The following CDH23 variants were observed in gnomAD, a reference collection of about 807,000 sequenced individuals.
CDH23 encodes the protein cadherin related 23.
In CDH23, 189 loss-of-function variants were observed where a neutral mutation model predicts 317.1. That is an observed-to-expected ratio of 0.60 (90% CI 0.53 to 0.67). CDH23 has a LOEUF of 0.67. CDH23 is among the 30% of genes least tolerant of loss of function. The pLI is 0.00. For synonymous variants in CDH23, 1,839 were observed against 1,876.8 expected (o/e 0.98, Z 0.52); for missense variants, 4,401 against 4,592.4 (o/e 0.96, Z 1.20).
chr10:71,552,747 GA>G (rs937591825), intron 6 of CDH23, among the ~76,000 whole-genome samples: 1 of 152,116 alleles, frequency 6.6e-6, no homozygotes, highest in African/African-American at 2.4e-5. Context: ...AAAAAGCTTT[GA>G]TTCTTGTCCA....
At chr10:71,660,288 G>C (rs1319620807) in intron 14 of CDH23, among the ~76,000 whole-genome samples, 1 of 152,098 alleles carries the variant, frequency 6.6e-6, no homozygotes, top group Non-Finnish European at 1.5e-5. Flanking sequence ...TAGGTTACTT[G>C]TATCAACAAT....
intron 9 of CDH23, among the ~76,000 whole-genome samples, chr10:71,593,074 T>C (rs1589244271): frequency 6.6e-6 from 1 of 152,074 alleles, no homozygotes; most frequent in African/African-American, 2.4e-5. Context: ...CAGGAGAGGG[T>C]GGTGGGGCCA....
intron 41 of CDH23, among the ~76,000 whole-genome samples, chr10:71,782,157 G>C (rs889891109): frequency 4.6e-5 from 7 of 152,220 alleles, no homozygotes; most frequent in African/African-American, 1.7e-4. Flanking sequence ...CTTAGGAGGA[G>C]CTGTGTGCTC....
In CDH23 at chr10:71,712,773, G is replaced by A; in HGVS notation, c.3329G>A (p.Ser1110Asn). 1 of 1,613,160 alleles carries A rather than the reference G, an allele frequency of 6.2e-7. No homozygotes were observed. Among genetic ancestry groups the A allele is most frequent in the East Asian group, 2.2e-5 (1 of 44,862 alleles). Reference protein sequence around the residue: ...PIFLQSSYEASVPEDIPEGHS... With the variant: ...PIFLQSSYEANVPEDIPEGHS... ...TTTCTGCAGAGCAGCTATGAGGCCA[G>A]CGTCCCTGAGGACATCCCTGAAGGC... The change falls in exon 28 of 70, where the codon AGC becomes AAC. Residue 1110 changes from serine (S) to asparagine (N), a missense_variant. Coordinates refer to ENST00000224721, the MANE Select transcript of CDH23 (RefSeq NM_022124.6).
chr10:71,645,601 A>C, intron 12 of CDH23: 1 of 727,184 alleles, frequency 1.4e-6, no homozygotes, highest in East Asian at 2.6e-5. Context: ...ATCCGACAGC[A>C]CAAGGAAGGA....
At chr10:71,707,886 G>A (rs1865847443) in intron 26 of CDH23, among the ~76,000 whole-genome samples, 1 of 152,152 alleles carries the variant, frequency 6.6e-6, no homozygotes, top group South Asian at 2.1e-4. Context: ...CATGAAGCAA[G>A]GATGCCCAGC....
At chr10:71,537,416 T>G (rs1014689725) in intron 6 of CDH23, among the ~76,000 whole-genome samples, 1 of 152,202 alleles carries the variant, frequency 6.6e-6, no homozygotes, top group Non-Finnish European at 1.5e-5. Flanking sequence ...GTCACTAGCA[T>G]TCCTGCCCCC....
Position 71,798,590 on chromosome 10 carries a change from A to G in CDH23, c.7054+12A>G, listed in dbSNP as rs1841470873. On this transcript the variant is annotated intron_variant, in intron 50 of 69. Transcript: ENST00000224721. The stretch of plus-strand genomic sequence containing the variant: ...GGACTCCTCGGCAGGTAGGTTAGAA[A>G]TCTGTCAGAGGAGGGCTGGGGGACA... 1 of 1,594,916 alleles carries G rather than the reference A, an allele frequency of 6.3e-7. No homozygotes were observed. Among genetic ancestry groups the G allele is most frequent in the Non-Finnish European group, 8.6e-7 (1 of 1,168,908 alleles).
At chr10:71,634,721 A>G (rs1862179577) in intron 11 of CDH23, among the ~76,000 whole-genome samples, 1 of 152,246 alleles carries the variant, frequency 6.6e-6, no homozygotes, top group Admixed American at 6.5e-5. Context: ...CAGGCCACAT[A>G]AATCCTCTGT....
At chr10:71,444,813 G>T (rs967523243) in intron 2 of CDH23, among the ~76,000 whole-genome samples, 6 of 152,168 alleles carry the variant, frequency 3.9e-5, no homozygotes, top group Admixed American at 3.9e-4. Flanking sequence ...GGGAGAGAGA[G>T]CTGCCCCATA....
chr10:71,570,753 C>A, intron 7 of CDH23, 37 bp from the exon 8 acceptor site: 1 of 1,572,938 alleles, frequency 6.4e-7, no homozygotes. Flanking sequence ...CCCACCATCA[C>A]TCAACCTAAG....
At chr10:71,432,816 G>A (rs567291224) in intron 1 of CDH23, among the ~76,000 whole-genome samples, 2 of 152,098 alleles carry the variant, frequency 1.3e-5, no homozygotes, top group African/African-American at 4.8e-5. Context: ...TGGGACCCAC[G>A]GCCCAGGATA....
At chr10:71,739,264 T>G (rs74762101) in intron 35 of CDH23, among the ~76,000 whole-genome samples, 165 of 152,258 alleles carry the variant, frequency 1.1e-3, no homozygotes, top group African/African-American at 3.7e-3. Context: ...CTGAGAACAG[T>G]TGCTTTCTGT....
At chr10:71,725,231 G>C (rs936777749) in intron 29 of CDH23, 141 bp from the exon 30 acceptor site, 2 of 1,471,226 alleles carry the variant, frequency 1.4e-6, no homozygotes, top group African/African-American at 1.4e-5. Flanking sequence ...CCTCTCCACT[G>C]TGAATTCTGT....
At chr10:71,494,524 G>A (rs543542226) in intron 3 of CDH23, among the ~76,000 whole-genome samples, 1 of 152,294 alleles carries the variant, frequency 6.6e-6, no homozygotes, top group African/African-American at 2.4e-5. Flanking sequence ...TCTCCTCATT[G>A]GAGTGCGGGA....
intron 27 of CDH23, among the ~76,000 whole-genome samples, chr10:71,710,237 G>A (rs1245804003): frequency 6.6e-6 from 1 of 152,218 alleles, no homozygotes; most frequent in Non-Finnish European, 1.5e-5. Context: ...CAGCGGCATG[G>A]AAGACAGCAC....
intron 7 of CDH23, among the ~76,000 whole-genome samples, chr10:71,569,255 G>A (rs1857616556): frequency 6.6e-6 from 1 of 152,124 alleles, no homozygotes; most frequent in Non-Finnish European, 1.5e-5. Flanking sequence ...CCTCTCATTG[G>A]CTGTCCCTGA....
chr10:71,399,463 C>T (rs963545897), intron 1 of CDH23, among the ~76,000 whole-genome samples: 1 of 152,212 alleles, frequency 6.6e-6, no homozygotes, highest in African/African-American at 2.4e-5. Flanking sequence ...TGGAGCTTCT[C>T]TCTTTGGCCA....
chr10:71,711,623 G>C (rs562232834), intron 27 of CDH23: 1 of 152,278 alleles, frequency 6.6e-6, no homozygotes, highest in South Asian at 2.1e-4. Context: ...TAGATCCCAA[G>C]CAAAGCCCGT....
Sources: gnomAD v4.1 joint callset for allele counts (sites outside exome capture counted in the v4.1 genomes callset) on GRCh38, gnomAD v4.1.1 for gene constraint, MANE v1.5 for transcripts, NCBI Gene and HGNC (gene_info 2026-07-23, HGNC 2026-07-21) for gene names.